Variants in ARHGEF6 observed in about 807,000 individuals in gnomAD.
ARHGEF6 encodes Rac/Cdc42 guanine nucleotide exchange factor 6.
In ARHGEF6, 9 loss-of-function variants were observed where a neutral mutation model predicts 70.3. The observed-to-expected ratio is 0.13, with a 90% CI of 0.08 to 0.22. ARHGEF6 has a LOEUF of 0.22. Ranked by LOEUF, ARHGEF6 falls within the 10% of genes least tolerant of loss-of-function variation. The pLI is 1.00. For synonymous variants in ARHGEF6, 201 were observed against 207.8 expected (o/e 0.97, Z 0.28); for missense variants, 470 against 563.0 (o/e 0.83, Z 1.67).
At chrX:136,752,352 C>T (rs1398953464) in intron 2 of ARHGEF6, among the ~76,000 whole-genome samples, 1 of 112,054 alleles carries the variant, frequency 8.9e-6, no homozygotes, top group East Asian at 2.8e-4. Context: ...CTACACTAAG[C>T]TCCTCCTATT....
intron 5 of ARHGEF6, 98 bp downstream of exon 5, chrX:136,743,487 C>G (rs1276865745): frequency 2.3e-6 from 2 of 879,837 alleles, no homozygotes; most frequent in Non-Finnish European, 3.3e-6. Flanking sequence ...CAAGTATAAA[C>G]AGCTTCTGTT....
intron 20 of ARHGEF6, among the ~76,000 whole-genome samples, chrX:136,671,019 T>C (rs1164896143): frequency 8.9e-6 from 1 of 111,829 alleles, no homozygotes; most frequent in Non-Finnish European, 1.9e-5. Flanking sequence ...AAAATGGGGA[T>C]AATAGCACAT....
chrX:136,701,647 A>G (rs1432893764), intron 9 of ARHGEF6, among the ~76,000 whole-genome samples: 1 of 110,132 alleles, frequency 9.1e-6, no homozygotes, highest in Non-Finnish European at 1.9e-5. Context: ...ACTTGGATAC[A>G]TGGAAAAAAG....
chrX:136,757,333 ATCTAGCCTGTCACGC>A lies in ARHGEF6; in HGVS notation c.250-9756_250-9742del, dbSNP rs1465236423. Reference sequence around the variant, plus strand: ...TGAGATCGCGCCACTAGCCTCGGCAATCTAGCCTGTCACGCTCTAGCCTGTCGCACTCTAGCCTGG... The same window carrying A: ...TGAGATCGCGCCACTAGCCTCGGCAATCTAGCCTGTCGCACTCTAGCCTGG... On this transcript the variant is annotated intron_variant, in intron 2 of 21. Transcript: ENST00000250617. Among the ~76,000 whole-genome samples the A allele has an allele frequency of 2.7e-5, 3 of 112,642 alleles. No individual in the cohort carries two copies. The South Asian group carries it at 1.1e-3, about 41-fold the overall frequency.
intron 15 of ARHGEF6, 46 bp from the exon 16 acceptor site, chrX:136,679,706 C>T (rs369167264): frequency 2.5e-6 from 3 of 1,203,179 alleles, no homozygotes; most frequent in South Asian, 1.8e-5. Flanking sequence ...CATCTGAACC[C>T]GACCTTGTGC....
At chrX:136,763,748 C>G (rs1439722471) in intron 2 of ARHGEF6, among the ~76,000 whole-genome samples, 1 of 111,584 alleles carries the variant, frequency 9.0e-6, no homozygotes, top group Non-Finnish European at 1.9e-5. Context: ...TCGCTTGTAC[C>G]TAGGAGGCAG....
At chrX:136,687,201 G>T (rs2076412139) in intron 11 of ARHGEF6, among the ~76,000 whole-genome samples, 1 of 111,440 alleles carries the variant, frequency 9.0e-6, no homozygotes, top group African/African-American at 3.3e-5. Context: ...TACTTACTCT[G>T]GTCTTCAACT....
At chrX:136,686,595 T>TATATATATATATATATATATATACAC (rs2076390918) in intron 11 of ARHGEF6, among the ~76,000 whole-genome samples, 1 of 35,471 alleles carries the variant, frequency 2.8e-5, no homozygotes, top group East Asian at 9.2e-4. Flanking sequence ...TATGTGTGTG[T>TATATATATATATATATATATATACAC]ATATATATAT....
At chrX:136,722,022 C>A (rs2076803126) in intron 6 of ARHGEF6, among the ~76,000 whole-genome samples, 1 of 110,603 alleles carries the variant, frequency 9.0e-6, no homozygotes, top group Admixed American at 9.6e-5. Context: ...CATGACAGAA[C>A]ATCATGTTGT....
intron 2 of ARHGEF6, among the ~76,000 whole-genome samples, chrX:136,753,396 T>C (rs1003933118): frequency 1.8e-5 from 2 of 111,707 alleles, no homozygotes; most frequent in African/African-American, 3.3e-5. Flanking sequence ...CAACACTACC[T>C]TTATGAGGCT....
chrX:136,699,488 T>C (rs111641783), intron 9 of ARHGEF6, among the ~76,000 whole-genome samples: 15 of 111,853 alleles, frequency 1.3e-4, no homozygotes, highest in African/African-American at 4.9e-4. Flanking sequence ...TTGGAAGTCA[T>C]CACACTATAG....
intron 2 of ARHGEF6, among the ~76,000 whole-genome samples, chrX:136,769,897 C>T (rs1190823792): frequency 8.9e-6 from 1 of 112,026 alleles, no homozygotes; most frequent in Non-Finnish European, 1.9e-5. Flanking sequence ...AAAGGAAATA[C>T]AAATAGACTA....
At position 136,702,244 on chromosome X, in the gene ARHGEF6, T is replaced by TA. The variant is rs757474954; in HGVS notation, c.1046+4663dup. Among the ~76,000 whole-genome samples the TA allele has an allele frequency of 4.7e-3, 524 of 111,633 alleles. 2 individuals are homozygous for TA. The highest frequency in any genetic ancestry group is 0.016 in the African/African-American group (505 of 30,718). On this transcript the variant is annotated intron_variant, in intron 9 of 21. Transcript: ENST00000250617. ...ATAACATAAACTCTAGGGATACTGGTAAAATTTTTTAAAGGGAGTATTATA... is the reference window on the plus strand; with the variant it reads ...ATAACATAAACTCTAGGGATACTGGTAAAAATTTTTTAAAGGGAGTATTATA...
chrX:136,767,573 C>G, intron 2 of ARHGEF6: 1 of 754,522 alleles, frequency 1.3e-6, no homozygotes, highest in Non-Finnish European at 1.6e-6. Context: ...CTGGGGGTGC[C>G]GGAGGCGCGC....
At chrX:136,702,443 T>C (rs2076585810) in intron 9 of ARHGEF6, among the ~76,000 whole-genome samples, 4 of 112,346 alleles carry the variant, frequency 3.6e-5, no homozygotes, top group Admixed American at 1.9e-4. Context: ...ATTAAAAGAA[T>C]GAGACTGTCA....
intron 6 of ARHGEF6, among the ~76,000 whole-genome samples, chrX:136,726,643 C>T (rs2076855520): frequency 8.9e-6 from 1 of 112,542 alleles, no homozygotes; most frequent in Admixed American, 9.3e-5. Flanking sequence ...CACAGCCTTC[C>T]TCCCACATTT....
At chrX:136,701,959 G>A (rs1006810052) in intron 9 of ARHGEF6, among the ~76,000 whole-genome samples, 4 of 110,380 alleles carry the variant, frequency 3.6e-5, no homozygotes, top group Admixed American at 1.9e-4. Context: ...CGCCCACCTC[G>A]GCCTCCCAAA....
chrX:136,679,507 C>T (rs1245577833), intron 16 of ARHGEF6, 28 bp downstream of exon 16: 5 of 1,205,867 alleles, frequency 4.1e-6, no homozygotes, highest in Non-Finnish European at 5.6e-6. Flanking sequence ...TTGTCAGAAG[C>T]ATTTTATACC....
Position 136,756,184 on chromosome X carries a change from C to T in ARHGEF6, c.250-8592G>A, listed in dbSNP as rs1002208304. Among the ~76,000 whole-genome samples the T allele has an allele frequency of 7.2e-5, 8 of 111,829 alleles. No individual in the cohort carries two copies. In the East Asian group the frequency reaches 2.2e-3, roughly 31 times the overall value. On this transcript the variant is annotated intron_variant, in intron 2 of 21. Coordinates refer to ENST00000250617, the MANE Select transcript of ARHGEF6 (RefSeq NM_004840.3). ...TAGGAAAGAAAAAAAACAATCTCCA[C>T]GCAATTTTCCAGGAAACATGTAACA...
Sources: gnomAD v4.1 joint callset for allele counts (sites outside exome capture counted in the v4.1 genomes callset) on GRCh38, gnomAD v4.1.1 for gene constraint, MANE v1.5 for transcripts, NCBI Gene and HGNC (gene_info 2026-07-23, HGNC 2026-07-21) for gene names.